The following NBEA variants were observed in gnomAD, a reference collection of about 807,000 sequenced individuals.
NBEA encodes the protein neurobeachin, also known as lysosomal-trafficking regulator 2.
In NBEA, 44 loss-of-function variants were observed where a neutral mutation model predicts 343.4. The observed-to-expected ratio is 0.13, with a 90% CI of 0.10 to 0.16. The LOEUF (loss-of-function observed/expected upper bound fraction) is 0.16, where lower values mean the gene tolerates loss of function less well. Among genes scored for constraint, NBEA ranks in the 10% least tolerant of loss-of-function variants. The probability of loss-of-function intolerance (pLI) is 1.00; values close to 1 mark genes in which losing one functional copy is unlikely to be tolerated. For missense variants in NBEA, 2,555 were observed against 3,631.3 expected (o/e 0.70, Z 7.62); for synonymous variants, 1,175 against 1,238.7 (o/e 0.95, Z 1.08).
At chr13:35,190,402 A>G (rs2072095655) in intron 30 of NBEA, among the ~76,000 whole-genome samples, 1 of 152,088 alleles carries the variant, frequency 6.6e-6, no homozygotes, top group African/African-American at 2.4e-5. Context: ...GAGGCCCAGC[A>G]CAAGAAGGAA....
chr13:35,475,524 C>A, intron 41 of NBEA: 1 of 1,612,718 alleles, frequency 6.2e-7, no homozygotes, highest in Non-Finnish European at 8.5e-7. Flanking sequence ...TGAAACCTTC[C>A]GCCTTGACCT....
intron 1 of NBEA, among the ~76,000 whole-genome samples, chr13:35,024,367 T>C (rs2061946138): frequency 6.6e-6 from 1 of 152,120 alleles, no homozygotes; most frequent in African/African-American, 2.4e-5. Flanking sequence ...GTAATGGGAT[T>C]GCTGGGTCAG....
intron 31 of NBEA, among the ~76,000 whole-genome samples, chr13:35,202,755 T>G (rs1047091612): frequency 1.3e-5 from 2 of 152,122 alleles, no homozygotes; most frequent in African/African-American, 4.8e-5. Context: ...GACTTATCTA[T>G]CCAATTGCTT....
chr13:35,646,196 G>A (rs1406067440), intron 50 of NBEA, 63 bp from the exon 51 acceptor site: 2 of 1,255,710 alleles, frequency 1.6e-6, no homozygotes, highest in Non-Finnish European at 2.3e-6. Flanking sequence ...CGTTGTCAAA[G>A]AGTGTGTTGG....
chr13:35,060,772 T>A (rs985705193), intron 8 of NBEA, among the ~76,000 whole-genome samples: 22 of 151,822 alleles, frequency 1.4e-4, no homozygotes, highest in Middle Eastern at 3.4e-3. Context: ...GATCAGATTG[T>A]GTTTTGACAG....
intron 1 of NBEA, among the ~76,000 whole-genome samples, chr13:34,975,545 C>T (rs1280106890): frequency 6.6e-6 from 1 of 152,062 alleles, no homozygotes; most frequent in Non-Finnish European, 1.5e-5. Context: ...TGACCAGGAA[C>T]CCAGAAGCAA....
intron 41 of NBEA, chr13:35,475,087 G>A (rs766350620): frequency 6.2e-7 from 1 of 1,613,898 alleles, no homozygotes; most frequent in Non-Finnish European, 8.5e-7. Context: ...TTTCGGGTTG[G>A]TCAGGATCTC....
At chr13:35,303,094 T>G (rs1397915906) in intron 35 of NBEA, among the ~76,000 whole-genome samples, 1 of 152,144 alleles carries the variant, frequency 6.6e-6, no homozygotes, top group African/African-American at 2.4e-5. Context: ...GACTTAAATT[T>G]CCTGCAGGGC....
chr13:35,066,674 G>A (rs944196880), intron 8 of NBEA, among the ~76,000 whole-genome samples: 1 of 151,398 alleles, frequency 6.6e-6, no homozygotes, highest in Non-Finnish European at 1.5e-5. Context: ...TTTTATCTTT[G>A]AATATTCTAT....
At chr13:35,535,112 T>C (rs1457407586) in intron 41 of NBEA, among the ~76,000 whole-genome samples, 1 of 68,494 alleles carries the variant, frequency 1.5e-5, no homozygotes, top group Non-Finnish European at 4.3e-5. Flanking sequence ...TACCCAATTA[T>C]AGATATTTGT....
chr13:35,670,699 G>A (rs2085580785), intron 58 of NBEA, among the ~76,000 whole-genome samples: 1 of 152,234 alleles, frequency 6.6e-6, no homozygotes, highest in Admixed American at 6.5e-5. Flanking sequence ...CCAGGTGTGT[G>A]CGGGCTAACT....
At chr13:35,263,889 A>G (rs1276415313) in intron 34 of NBEA, among the ~76,000 whole-genome samples, 1 of 151,952 alleles carries the variant, frequency 6.6e-6, no homozygotes, top group Non-Finnish European at 1.5e-5. Context: ...AACTAAGCAC[A>G]AAGGTAGTAG....
chr13:35,433,987 C>G (rs1181155890), intron 39 of NBEA, among the ~76,000 whole-genome samples: 3 of 152,004 alleles, frequency 2.0e-5, no homozygotes, highest in Non-Finnish European at 4.4e-5. Flanking sequence ...AGAGTTTATA[C>G]TACAGTGATA....
At chr13:35,089,670 A>T (rs2064971485) in intron 10 of NBEA, among the ~76,000 whole-genome samples, 3 of 130,470 alleles carry the variant, frequency 2.3e-5, no homozygotes, top group Non-Finnish European at 4.8e-5. Context: ...CAAATGTCCA[A>T]CAATGATAGA....
chr13:35,612,847 CTT>C (rs1371665028), intron 48 of NBEA, among the ~76,000 whole-genome samples: 2 of 152,112 alleles, frequency 1.3e-5, no homozygotes, highest in African/African-American at 4.8e-5. Flanking sequence ...ACTAAATAAA[CTT>C]TCCAGATAAA....
At chr13:35,239,887 T>A (rs1396069303) in intron 34 of NBEA, among the ~76,000 whole-genome samples, 4 of 151,872 alleles carry the variant, frequency 2.6e-5, no homozygotes, top group African/African-American at 7.2e-5. Flanking sequence ...ATCATTTACC[T>A]GCAACATTTT....
intron 10 of NBEA, among the ~76,000 whole-genome samples, chr13:35,093,774 G>A (rs940234271): frequency 1.3e-5 from 2 of 151,842 alleles, no homozygotes; most frequent in East Asian, 1.9e-4. Flanking sequence ...TTTGTAAAAC[G>A]TCCAGGACGT....
At chr13:35,646,039 T>C (rs927332897) in intron 50 of NBEA, 108 bp downstream of exon 50, 7 of 771,340 alleles carry the variant, frequency 9.1e-6, no homozygotes, top group Non-Finnish European at 1.1e-5. Flanking sequence ...GGAATAAGAA[T>C]AGTGACTGGG....
chr13:35,210,391 G>A (rs2073690897), intron 32 of NBEA, among the ~76,000 whole-genome samples: 1 of 152,030 alleles, frequency 6.6e-6, no homozygotes, highest in African/African-American at 2.4e-5. Context: ...TGTTATAGTG[G>A]AAATCCCAGT....
Sources: allele counts gnomAD v4.1 joint callset (sites outside exome capture counted in the v4.1 genomes callset), GRCh38; gene constraint gnomAD v4.1.1; transcripts MANE v1.5; gene names NCBI Gene and HGNC (gene_info 2026-07-23, HGNC 2026-07-21).